The following ZIM3 variants were observed in gnomAD, a reference collection of about 807,000 sequenced individuals.
The protein encoded by ZIM3 is zinc finger imprinted 3, also known as zinc finger protein 657.
A neutral mutation model predicts 12.9 loss-of-function variants in ZIM3; 11 were observed. The observed-to-expected ratio is 0.85, with a 90% CI of 0.54 to 1.41. ZIM3 has a LOEUF of 1.41. Ranked by LOEUF, ZIM3 falls within the 40% of genes most tolerant of loss-of-function variation. The pLI, the probability that ZIM3 is intolerant of heterozygous loss-of-function variation, is 0.00. For missense variants in ZIM3, 604 were observed against 557.2 expected, an observed-to-expected ratio of 1.08 and a Z score of -0.85; for synonymous variants, 205 against 198.5, an observed-to-expected ratio of 1.03 and a Z score of -0.28.
At chr19:57,139,192 G>T (rs1475570111) in intron 2 of ZIM3, among the ~76,000 whole-genome samples, 3 of 151,856 alleles carry the variant, frequency 2.0e-5, no homozygotes, top group Non-Finnish European at 4.4e-5. Context: ...GCCAGGCATG[G>T]TGGCAGGCGC....
At chr19:57,141,608 G>T (rs2122669432) in intron 2 of ZIM3, among the ~76,000 whole-genome samples, 1 of 151,930 alleles carries the variant, frequency 6.6e-6, no homozygotes, top group East Asian at 1.9e-4. Flanking sequence ...AAGACCTTCA[G>T]ATCTCTCAAA....
Position 57,136,068 on chromosome 19 carries a change from A to G in ZIM3, c.269T>C (p.Ile90Thr), listed in dbSNP as rs2086885534. The change falls in exon 5 of 5, where the codon ATT (isoleucine) becomes ACT (threonine). Residue 90 changes from isoleucine to threonine, a missense_variant. Transcript: ENST00000269834. ...AEKNGDIGGQ[I>T]WKPKDVKESL... ...CTCTTTCACATCCTTTGGCTTCCAAATCTGCCCTCCAATGTCCCCATTTTT... is the reference window on the plus strand; with the variant it reads ...CTCTTTCACATCCTTTGGCTTCCAAGTCTGCCCTCCAATGTCCCCATTTTT... 2 of 1,612,452 alleles carry G rather than the reference A, an allele frequency of 1.2e-6. No homozygotes were observed. The highest frequency in any genetic ancestry group is 4.5e-5 in the East Asian group (2 of 44,856).
Position 57,136,858 on chromosome 19 carries a change from C to G in ZIM3, c.241+15G>C. The G allele has an allele frequency of 6.2e-7, 1 of 1,612,976 alleles. No individual in the cohort carries two copies. The highest frequency in any genetic ancestry group is 1.1e-5 in the South Asian group (1 of 91,042). ...CCATGCACCATTGACCCACAGTGCT[C>G]TCCTGGTCACCTACCTGCACGGCCA... On this transcript the variant is annotated intron_variant, in intron 4 of 4. Coordinates refer to ENST00000269834, the MANE Select transcript of ZIM3 (RefSeq NM_052882.1).
chr19:57,142,767 C>T (rs2086919233), intron 1 of ZIM3, 82 bp from the exon 2 acceptor site: 2 of 1,127,300 alleles, frequency 1.8e-6, no homozygotes, highest in Non-Finnish European at 2.6e-6. Context: ...ATGCTCCACA[C>T]CCTGGATAAA....
intron 3 of ZIM3, 117 bp downstream of exon 3, chr19:57,138,354 CA>C: frequency 1.4e-6 from 2 of 1,473,946 alleles, no homozygotes; most frequent in Non-Finnish European, 1.9e-6. Context: ...CCCGGCTCTA[CA>C]AAAACATATG....
chr19:57,144,412 T>C (rs1370848996), intron 1 of ZIM3, among the ~76,000 whole-genome samples: 1 of 152,116 alleles, frequency 6.6e-6, no homozygotes, highest in South Asian at 2.1e-4. Flanking sequence ...GGCACAACTT[T>C]AATGTTTATT....
chr19:57,137,116 G>A (rs1308277087), intron 3 of ZIM3, 145 bp from the exon 4 acceptor site: 1 of 756,948 alleles, frequency 1.3e-6, no homozygotes, highest in Non-Finnish European at 2.3e-6. Context: ...GTGTGGGTAT[G>A]TGCCATTGGT....
intron 3 of ZIM3, among the ~76,000 whole-genome samples, chr19:57,137,862 GGAAGGAAAGAAGGAAGGAAGGAAGGAAA>G (rs2086893886): frequency 1.4e-5 from 1 of 70,746 alleles, no homozygotes; most frequent in African/African-American, 6.2e-5. Flanking sequence ...AAGGAAGGAA[GGAAGGAAAGAAGGAAGGAAGGAAGGAAA>G]GAAGGAAGGA....
At chr19:57,142,143 T>G (rs1051812900) in intron 2 of ZIM3, among the ~76,000 whole-genome samples, 1 of 13,340 alleles carries the variant, frequency 7.5e-5, no homozygotes, top group South Asian at 9.6e-3. Context: ...GTAACCAAGC[T>G]TTTTTTTTTT....
At chr19:57,136,250 G>A (rs947137986) in intron 4 of ZIM3, among the ~76,000 whole-genome samples, 155 bp from the exon 5 acceptor site, 2 of 152,166 alleles carry the variant, frequency 1.3e-5, no homozygotes, top group East Asian at 1.9e-4. Flanking sequence ...AGAGTTCTAT[G>A]TGAGCTAATG....
Position 57,136,854 on chromosome 19 carries a change from T to C in ZIM3, c.241+19A>G, listed in dbSNP as rs1377678193. On this transcript the variant is annotated intron_variant, in intron 4 of 4. Coordinates refer to ENST00000269834, the MANE Select transcript of ZIM3 (RefSeq NM_052882.1). ...GCTTCCATGCACCATTGACCCACAGTGCTCTCCTGGTCACCTACCTGCACG... is the reference window on the plus strand; with the variant it reads ...GCTTCCATGCACCATTGACCCACAGCGCTCTCCTGGTCACCTACCTGCACG... The C allele has an allele frequency of 1.2e-6, 2 of 1,610,502 alleles. No homozygotes were observed. The highest frequency in any genetic ancestry group is 2.7e-5 in the African/African-American group (2 of 74,992).
At chr19:57,140,443 T>G (rs1293460752) in intron 2 of ZIM3, among the ~76,000 whole-genome samples, 3 of 152,162 alleles carry the variant, frequency 2.0e-5, no homozygotes, top group Middle Eastern at 3.4e-3. Context: ...CCCGAAGAGC[T>G]GGGATTAAAG....
In ZIM3 at chr19:57,138,517, A is replaced by G. The variant is rs1277834317; in HGVS notation, c.97T>C (p.Tyr33His). 4.3e-6 allele frequency: 7 copies of G among 1,614,128 alleles called. No homozygotes were observed. Among genetic ancestry groups the G allele is most frequent in the Non-Finnish European group, 5.1e-6 (6 of 1,179,994 alleles). Residue 33 changes from tyrosine (Y) to histidine (H), a missense_variant, in exon 3 of 5, where the codon TAC becomes CAC. Coordinates refer to ENST00000269834, the MANE Select transcript of ZIM3 (RefSeq NM_052882.1). ...TAATTCTCCAGCATCACATCCCTGT[A>G]CAAGTTTCTCTGTTCGGGATTCAGC... ...QRLNPEQRNL[Y>H]RDVMLENYSN...
intron 3 of ZIM3, among the ~76,000 whole-genome samples, chr19:57,137,865 A>C: frequency 1.4e-5 from 1 of 71,492 alleles, no homozygotes; most frequent in East Asian, 5.9e-4. Flanking sequence ...GAAGGAAGGA[A>C]GGAAAGAAGG....
chr19:57,141,392 C>A (rs2086912994), intron 2 of ZIM3, among the ~76,000 whole-genome samples: 1 of 85,338 alleles, frequency 1.2e-5, no homozygotes, highest in Non-Finnish European at 2.1e-5. Context: ...CAGAGGGAGA[C>A]TGTCTCAAAA....
chr19:57,141,221 C>A (rs1412415782), intron 2 of ZIM3, among the ~76,000 whole-genome samples: 1 of 151,574 alleles, frequency 6.6e-6, no homozygotes, highest in Non-Finnish European at 1.5e-5. Flanking sequence ...ATGGTAAAAC[C>A]CCATCTCTAC....
Position 57,135,459 on chromosome 19 carries a change from G to A in ZIM3, c.878C>T (p.Thr293Ile), listed in dbSNP as rs547433828. 3.1e-6 allele frequency: 5 copies of A among 1,614,072 alleles called. No individual in the cohort carries two copies. In the African/African-American group the frequency reaches 4.0e-5, roughly 13 times the overall value. Residue 293 changes from threonine to isoleucine, a missense_variant, in exon 5 of 5, where the codon ACC becomes ATC. Coordinates refer to ENST00000269834, the MANE Select transcript of ZIM3 (RefSeq NM_052882.1). ...ECEKSFRQNS[T>I]LIQHKKVHTG... ...GTGAACTTTTTTATGTTGAATGAGG[G>A]TTGAGTTCTGCCTGAAGGATTTCTC...
chr19:57,142,133 G>C (rs10418166), intron 2 of ZIM3, among the ~76,000 whole-genome samples: 1 of 139,498 alleles, frequency 7.2e-6, no homozygotes, highest in Non-Finnish European at 1.5e-5. Context: ...TGGTGTTTCC[G>C]TAACCAAGCT....
At chr19:57,136,240 A>G (rs2086886350) in intron 4 of ZIM3, 145 bp from the exon 5 acceptor site, 1 of 742,590 alleles carries the variant, frequency 1.3e-6, no homozygotes, top group Non-Finnish European at 2.2e-6. Context: ...AAGCTCTGTT[A>G]GAGTTCTATG....
Sources: allele counts gnomAD v4.1 joint callset (sites outside exome capture counted in the v4.1 genomes callset), GRCh38; gene constraint gnomAD v4.1.1; transcripts MANE v1.5; gene names NCBI Gene and HGNC (gene_info 2026-07-23, HGNC 2026-07-21).